Variants in MEX3C observed in about 807,000 individuals in gnomAD.
The protein encoded by MEX3C is RNA-binding E3 ubiquitin-protein ligase MEX3C.
MEX3C carries 15 observed loss-of-function variants against 35.5 expected under a neutral mutation model. The observed-to-expected ratio is 0.42, with a 90% CI of 0.28 to 0.65. The LOEUF is 0.65. Ranked by LOEUF, MEX3C falls within the 30% of genes least tolerant of loss-of-function variation. The probability of loss-of-function intolerance (pLI) is 0.20; values close to 1 mark genes in which losing one functional copy is unlikely to be tolerated. For synonymous variants in MEX3C, 390 were observed against 352.8 expected (o/e 1.11, Z -1.18); for missense variants, 711 against 842.8 (o/e 0.84, Z 1.94).
intron 1 of MEX3C, among the ~76,000 whole-genome samples, chr18:51,189,590 T>C (rs1912611703): frequency 6.6e-6 from 1 of 152,168 alleles, no homozygotes; most frequent in African/African-American, 2.4e-5. Flanking sequence ...ATAAAAAATA[T>C]TTAATGAAAA....
intron 1 of MEX3C, among the ~76,000 whole-genome samples, chr18:51,182,875 AAT>A (rs760543343): frequency 6.6e-6 from 1 of 152,218 alleles, no homozygotes; most frequent in East Asian, 1.9e-4. Context: ...GTTTCAGTGA[AAT>A]ATATAATGGG....
At position 51,197,661 on chromosome 18, in the gene MEX3C, G is replaced by C. The variant is rs1336890548; in HGVS notation, c.-341C>G. Among the ~76,000 whole-genome samples, 1 of 150,696 alleles carries C rather than the reference G, an allele frequency of 6.6e-6. No homozygotes were observed. Among genetic ancestry groups the C allele is most frequent in the Non-Finnish European group, 1.5e-5 (1 of 67,678 alleles). ...CGGCGCGCGCGGCGGCGGCGGCTAC[G>C]CCCCACGCCGCTCTCCGAATGAAGC... On this transcript the variant is annotated 5_prime_UTR_variant, in exon 1 of 2. Coordinates refer to ENST00000406189, the MANE Select transcript of MEX3C (RefSeq NM_016626.5).
At chr18:51,191,883 G>A (rs1471873796) in intron 1 of MEX3C, among the ~76,000 whole-genome samples, 1 of 152,098 alleles carries the variant, frequency 6.6e-6, no homozygotes, top group African/African-American at 2.4e-5. Flanking sequence ...TACCACAGCT[G>A]AACAGAGACT....
chr18:51,183,305 A>G (rs765362324), intron 1 of MEX3C, among the ~76,000 whole-genome samples: 1 of 152,218 alleles, frequency 6.6e-6, no homozygotes, highest in Non-Finnish European at 1.5e-5. Context: ...ATGGCAGCAA[A>G]AAGACCACAT....
chr18:51,196,542 T>C, intron 1 of MEX3C, 25 bp downstream of exon 1: 2 of 1,552,030 alleles, frequency 1.3e-6, no homozygotes, highest in East Asian at 2.4e-5. Context: ...CATGCCCAGC[T>C]GGACCTCCCC....
In MEX3C at chr18:51,196,778, C is replaced by T. The variant is rs530394988; in HGVS notation, c.543G>A (p.Ala181=). Residue 181 remains alanine, a synonymous_variant, in exon 1 of 2, where the codon GCG becomes GCA. Transcript: ENST00000406189. ...RFDAREAAAA[A]AAAGVLYGGD... ...CTCCGTACAGCACCCCCGCCGCCGCCGCCGCGGCCGCCGCCTCCCGGGCAT... is the reference window on the plus strand; with the variant it reads ...CTCCGTACAGCACCCCCGCCGCCGCTGCCGCGGCCGCCGCCTCCCGGGCAT... 5 of 526,336 alleles carry T rather than the reference C, an allele frequency of 9.5e-6. No individual in the cohort carries two copies. In the African/African-American group the frequency reaches 1.1e-4, roughly 11 times the overall value. 32.6% of individuals were successfully genotyped at this position (526,336 alleles called of 1,614,324 possible). A position where few individuals can be genotyped will look rare whatever the true frequency, so the allele number is the denominator to read the frequency against.
intron 1 of MEX3C, among the ~76,000 whole-genome samples, chr18:51,180,733 T>A (rs1007266426): frequency 2.0e-5 from 3 of 152,204 alleles, no homozygotes; most frequent in African/African-American, 4.8e-5. Context: ...TCTGCCCGCG[T>A]TGGCCTCCCA....
In MEX3C at chr18:51,176,704, G is replaced by A. The variant is rs865868526; in HGVS notation, c.1627C>T (p.Arg543Cys). 1.9e-6 allele frequency: 3 copies of A among 1,613,888 alleles called. No individual in the cohort carries two copies. The highest frequency in any genetic ancestry group is 2.2e-5 in the East Asian group (1 of 44,896). The change falls in exon 2 of 2, where the codon CGT becomes TGT. Residue 543 changes from arginine to cysteine, a missense_variant. Transcript: ENST00000406189. ...QRRGSQPSTP[R>C]LSPTFPESIE... ...CTCTCAGGAAATGTAGGAGACAGAC[G>A]AGGAGTAGATGGCTGACTTCCTCTG...
chr18:51,178,660 G>A (rs1480999294), intron 1 of MEX3C, among the ~76,000 whole-genome samples: 2 of 151,920 alleles, frequency 1.3e-5, no homozygotes, highest in East Asian at 3.9e-4. Context: ...AGACCAGGCT[G>A]ACTAACATGG....
rs1171256964 is a variant in MEX3C at position 51,197,107 on chromosome 18, C to T, written c.214G>A (p.Ala72Thr). The change falls in exon 1 of 2, where the codon GCC (alanine) becomes ACC (threonine). Residue 72 changes from alanine to threonine, a missense_variant. Physicochemically the swap from Ala to Thr is moderately conservative, Grantham distance 58. This residue lies in a region of MEX3C where 354 missense variants were observed against 311.6 expected (regional missense o/e 1.14). Transcript: ENST00000406189. ...PAEPGAPALR[A>T]PAAAAQGQAR... ...TGGCCCTGCGCCGCCGCTGCCGGGG[C>T]CCGAAGCGCCGGGGCGCCGGGCTCC... 6.9e-6 allele frequency: 8 copies of T among 1,160,440 alleles called. No homozygotes were observed. The highest frequency in any genetic ancestry group is 8.5e-6 in the Non-Finnish European group (8 of 945,516). The allele number at this position is 1,160,440 out of a possible 1,614,324, so 71.9% of individuals were successfully genotyped here.
At position 51,196,773 on chromosome 18, in the gene MEX3C, G is replaced by T. The variant is rs1267309573; in HGVS notation, c.548C>A (p.Ala183Glu). The change falls in exon 1 of 2, where the codon GCG becomes GAG. Residue 183 changes from alanine (A) to glutamate (E), a missense_variant. Ala to Glu is a moderately radical substitution (Grantham distance 107). Transcript: ENST00000406189. The part of the protein sequence containing the change: ...DAREAAAAAA[A>E]AGVLYGGDDA... ...GTCCCCTCCGTACAGCACCCCCGCC[G>T]CCGCCGCCGCGGCCGCCGCCTCCCG... 10 of 1,419,388 alleles carry T rather than the reference G, an allele frequency of 7.0e-6. No individual in the cohort carries two copies. Among genetic ancestry groups the T allele is most frequent in the Non-Finnish European group, 9.4e-6 (10 of 1,064,184 alleles). The allele number at this position is 1,419,388 out of a possible 1,614,324, so 87.9% of individuals were successfully genotyped here.
Position 51,176,450 on chromosome 18 carries a change from G to A in MEX3C, c.1881C>T (p.Leu627=), listed in dbSNP as rs370934333. The A allele has an allele frequency of 5.6e-6, 9 of 1,613,916 alleles. No homozygotes were observed. The highest frequency in any genetic ancestry group is 7.6e-6 in the Non-Finnish European group (9 of 1,179,906). The change falls in exon 2 of 2, where the codon CTC becomes CTT. Residue 627 remains leucine (L), a synonymous_variant. Coordinates refer to ENST00000406189, the MANE Select transcript of MEX3C (RefSeq NM_016626.5). ...IAALVPCGHN[L]FCMECANKIC... Reference sequence around the variant, plus strand: ...TCTTGTTGGCACATTCCATGCAGAAGAGGTTGTGGCCACATGGAACTAGGG... The same window carrying A: ...TCTTGTTGGCACATTCCATGCAGAAAAGGTTGTGGCCACATGGAACTAGGG...
chr18:51,191,136 A>G (rs1202999497), intron 1 of MEX3C, among the ~76,000 whole-genome samples: 3 of 152,196 alleles, frequency 2.0e-5, no homozygotes, highest in Middle Eastern at 3.2e-3. Flanking sequence ...GACACTGTTT[A>G]GAATTCTATA....
chr18:51,181,183 A>C (rs1260312244), intron 1 of MEX3C, among the ~76,000 whole-genome samples: 2 of 152,208 alleles, frequency 1.3e-5, no homozygotes. Flanking sequence ...CCGTATTATG[A>C]TATATTAGCC....
rs2144563601 is a variant in MEX3C at position 51,197,097 on chromosome 18, G to T, written c.224C>A (p.Ala75Glu). ...PGAPALRAPA[A>E]AAQGQARRAA... Reference sequence around the variant, plus strand: ...CCGCCGGGCCTGGCCCTGCGCCGCCGCTGCCGGGGCCCGAAGCGCCGGGGC... The same window carrying T: ...CCGCCGGGCCTGGCCCTGCGCCGCCTCTGCCGGGGCCCGAAGCGCCGGGGC... Residue 75 changes from alanine (A) to glutamate (E), a missense_variant, in exon 1 of 2, where the codon GCG becomes GAG. By Grantham distance (107) the Ala-to-Glu change is moderately radical. Transcript: ENST00000406189. The T allele has an allele frequency of 8.4e-7, 1 of 1,194,422 alleles. No individual in the cohort carries two copies. The highest frequency in any genetic ancestry group is 3.7e-5 in the East Asian group (1 of 26,820). The allele number at this position is 1,194,422 out of a possible 1,614,324, so 74.0% of individuals were successfully genotyped here. A position where few individuals can be genotyped will look rare whatever the true frequency, so the allele number is the denominator to read the frequency against.
intron 1 of MEX3C, chr18:51,195,682 C>T (rs900439933): frequency 6.6e-6 from 1 of 152,180 alleles, no homozygotes; most frequent in Admixed American, 6.5e-5. Context: ...AGGACCTTCC[C>T]TAAAAATGTC....
intron 1 of MEX3C, chr18:51,193,004 T>G (rs1912683881): frequency 6.6e-6 from 1 of 152,180 alleles, no homozygotes; most frequent in Non-Finnish European, 1.5e-5. Context: ...CTTTTTCTCC[T>G]GGTCACAGAC....
chr18:51,197,189 G>C lies in MEX3C; in HGVS notation c.132C>G (p.Asp44Glu). 9.7e-7 allele frequency: 1 copy of C among 1,028,554 alleles called. No homozygotes were observed. The highest frequency in any genetic ancestry group is 1.2e-6 in the Non-Finnish European group (1 of 861,182). 63.7% of individuals were successfully genotyped at this position (1,028,554 alleles called of 1,614,324 possible). The change falls in exon 1 of 2, where the codon GAC (aspartate) becomes GAG (glutamate). Residue 44 changes from aspartate to glutamate, a missense_variant. By Grantham distance (45) the Asp-to-Glu change is conservative (BLOSUM62 2). This residue lies in a region of MEX3C where 354 missense variants were observed against 311.6 expected (regional missense o/e 1.14). Transcript: ENST00000406189. ...PPSGGPELEG[D>E]GLLLRERLAA... is the part of the protein sequence containing the mutation. ...CCAAGCGCTCCCTCAGCAGGAGCCC[G>C]TCCCCCTCGAGCTCCGGGCCGCCCG...
In MEX3C at chr18:51,197,034, C is replaced by T; in HGVS notation, c.287G>A (p.Gly96Asp). ...GGCCGCCTCCGGGGCCCCGGGCCGG[C>T]CGGGCGGAGCCCGCTCCTCTGGAGA... ...ELSPEERAPP[G>D]RPGAPEAAEL... is the part of the protein sequence containing the mutation. The change falls in exon 1 of 2, where the codon GGC becomes GAC. Residue 96 changes from glycine to aspartate, a missense_variant. By Grantham distance (94) the Gly-to-Asp change is moderately conservative. Around this residue, in one of 4 missense-constraint regions of MEX3C, gnomAD observed 354 missense variants for 311.6 expected, o/e 1.14. Transcript: ENST00000406189. 1 of 1,513,168 alleles carries T rather than the reference C, an allele frequency of 6.6e-7. No individual in the cohort carries two copies. Among genetic ancestry groups the T allele is most frequent in the South Asian group, 1.2e-5 (1 of 81,542 alleles). 93.7% of individuals were successfully genotyped at this position (1,513,168 alleles called of 1,614,324 possible).
Sources: allele counts gnomAD v4.1 joint callset (sites outside exome capture counted in the v4.1 genomes callset), GRCh38; gene constraint gnomAD v4.1.1; regional missense constraint gnomAD v4.1.1; transcripts MANE v1.5; gene names NCBI Gene and HGNC (gene_info 2026-07-23, HGNC 2026-07-21).